The following TTLL6 variants were observed in gnomAD, a reference collection of about 807,000 sequenced individuals.
TTLL6 encodes the protein tubulin tyrosine ligase like 6, also known as tubulin polyglutamylase TTLL6.
TTLL6 carries 75 observed loss-of-function variants against 96.4 expected under a neutral mutation model. The ratio of observed to expected loss-of-function variants is 0.78; its 90% confidence interval spans 0.65 to 0.94. The LOEUF (loss-of-function observed/expected upper bound fraction) is 0.94. TTLL6 is among the 40% of genes least tolerant of loss of function. The pLI is 0.00. For synonymous variants in TTLL6, 411 were observed against 419.4 expected, an observed-to-expected ratio of 0.98 and a Z score of 0.24; for missense variants, 1,030 against 1,093.0, an observed-to-expected ratio of 0.94 and a Z score of 0.81.
At position 48,817,147 on chromosome 17, in the gene TTLL6, C is replaced by T. The variant is rs2039679998; in HGVS notation, c.-75G>A. ...TCCGCCCGGCCCTCATATTTGCATA[C>T]GGGGCCTTCTAGGCCTTCGATTGGC... On this transcript the variant is annotated 5_prime_UTR_variant, in exon 1 of 16. Coordinates refer to ENST00000393382, the MANE Select transcript of TTLL6 (RefSeq NM_001130918.3). The T allele has an allele frequency of 8.6e-7, 1 of 1,165,740 alleles. No individual in the cohort carries two copies. The highest frequency in any genetic ancestry group is 1.2e-6 in the Non-Finnish European group (1 of 834,962). The allele number at this position is 1,165,740 out of a possible 1,614,324, so 72.2% of individuals were successfully genotyped here.
chr17:48,788,454 G>A (rs888182397), intron 10 of TTLL6, among the ~76,000 whole-genome samples: 1 of 152,236 alleles, frequency 6.6e-6, no homozygotes, highest in African/African-American at 2.4e-5. Flanking sequence ...TGGGGGAAGT[G>A]GGGGTCAGAC....
At chr17:48,768,199 A>G (rs373791543) in intron 15 of TTLL6, among the ~76,000 whole-genome samples, 211 of 152,072 alleles carry the variant, frequency 1.4e-3, no homozygotes, top group African/African-American at 4.8e-3. Context: ...GGCTCAATCA[A>G]TCCTCCTACC....
At chr17:48,801,457 G>A in intron 4 of TTLL6, 68 bp downstream of exon 4, 2 of 1,550,938 alleles carry the variant, frequency 1.3e-6, no homozygotes, top group Non-Finnish European at 1.7e-6. Flanking sequence ...CGGGAGACAG[G>A]TGTAAAAATG....
In TTLL6 at chr17:48,770,040, T is replaced by A; in HGVS notation, c.2098A>T (p.Lys700Ter). The A allele has an allele frequency of 1.2e-6, 2 of 1,613,988 alleles. No homozygotes were observed. The highest frequency in any genetic ancestry group is 1.7e-6 in the Non-Finnish European group (2 of 1,179,922). Residue 700 changes from lysine (K) to a stop codon, truncating the protein, a stop_gained, in exon 14 of 16, where the codon AAG becomes TAG. Coordinates refer to ENST00000393382, the MANE Select transcript of TTLL6 (RefSeq NM_001130918.3). LOFTEE classifies it high-confidence loss of function. ...GTCACAGCCAGGGTTGGCGGAGACTTTGGGGAGATTGAGAGTTGGGTGGTG... is the reference window on the plus strand; with the variant it reads ...GTCACAGCCAGGGTTGGCGGAGACTATGGGGAGATTGAGAGTTGGGTGGTG... The part of the protein sequence containing the change: ...ESTTQLSISP[K>*]SPPTLAVTAS...
chr17:48,789,940 C>T lies in TTLL6; in HGVS notation c.1391G>A (p.Arg464Gln), dbSNP rs202000811. Reference protein sequence around the residue: ...RGQFLQQCCSREMRIEEAKGF... With the variant: ...RGQFLQQCCSQEMRIEEAKGF... ...GGGAGTGCGAATGTACCTCATCTCC[C>T]GAGAACAACACTGCTGCAGGAACTG... Residue 464 changes from arginine (R) to glutamine (Q), a missense_variant, in exon 10 of 16, where the codon CGG (arginine) becomes CAG (glutamine). Physicochemically the swap from Arg to Gln is conservative, Grantham distance 43. Coordinates refer to ENST00000393382, the MANE Select transcript of TTLL6 (RefSeq NM_001130918.3). 52 of 1,613,960 alleles carry T rather than the reference C, an allele frequency of 3.2e-5. 2 individuals are homozygous for T. In the East Asian group the frequency reaches 3.6e-4, roughly 11 times the overall value.
intron 15 of TTLL6, 132 bp downstream of exon 15, chr17:48,768,857 C>T: frequency 9.7e-7 from 1 of 1,026,868 alleles, no homozygotes; most frequent in Non-Finnish European, 1.4e-6. Flanking sequence ...CACATTTTTA[C>T]TAAGTCTTCA....
chr17:48,794,133 G>A, intron 8 of TTLL6: 1 of 1,604,462 alleles, frequency 6.2e-7, no homozygotes, highest in Admixed American at 1.7e-5. Context: ...GGGGTGAGAG[G>A]GAGATGAACA....
At chr17:48,815,868 T>C (rs2039661220) in intron 1 of TTLL6, 1 of 152,206 alleles carries the variant, frequency 6.6e-6, no homozygotes, top group South Asian at 2.1e-4. Flanking sequence ...GATTGGAAGA[T>C]GCAATATTCA....
chr17:48,808,223 T>C (rs1355347385), intron 1 of TTLL6, among the ~76,000 whole-genome samples: 1 of 152,248 alleles, frequency 6.6e-6, no homozygotes, highest in Non-Finnish European at 1.5e-5. Context: ...TTGTTGGAAA[T>C]GTAAGCTGCT....
chr17:48,799,934 G>T, intron 5 of TTLL6, 174 bp from the exon 6 acceptor site: 1 of 609,464 alleles, frequency 1.6e-6, no homozygotes, highest in Non-Finnish European at 2.9e-6. Flanking sequence ...AGTGGGGAGT[G>T]TGGGCTTCAG....
In TTLL6 at chr17:48,769,861, G is replaced by A; in HGVS notation, c.2277C>T (p.Asn759=). The change falls in exon 14 of 16, where the codon AAC becomes AAT. Residue 759 remains asparagine (N), a synonymous_variant. Transcript: ENST00000393382. ...TCATGTCACTCTTTAGCAAAGTCCA[G>A]TTTGTGTTCGGACTCTCCCAGAAGC... ...SKSFWESPNT[N]WTLLKSDMNK... is the part of the protein sequence containing the mutation. 6.2e-7 allele frequency: 1 copy of A among 1,614,246 alleles called. No homozygotes were observed. The highest frequency in any genetic ancestry group is 8.5e-7 in the Non-Finnish European group (1 of 1,180,048).
At chr17:48,779,120 G>C (rs1312059593) in intron 13 of TTLL6, among the ~76,000 whole-genome samples, 2 of 151,758 alleles carry the variant, frequency 1.3e-5, no homozygotes, top group African/African-American at 4.8e-5. Flanking sequence ...AAAAAAGGGA[G>C]GGGATGAAAA....
At chr17:48,813,427 C>G (rs1260833036) in intron 1 of TTLL6, among the ~76,000 whole-genome samples, 2 of 152,178 alleles carry the variant, frequency 1.3e-5, no homozygotes, top group Admixed American at 6.5e-5. Flanking sequence ...GGTGTGGTGG[C>G]GTGTGCCTGT....
rs1486379690 is a variant in TTLL6, at chr17:48,797,260, A to T, written c.769-56T>A. 2.7e-6 allele frequency: 4 copies of T among 1,500,352 alleles called. No individual in the cohort carries two copies. In the East Asian group the frequency reaches 9.9e-5, roughly 37 times the overall value. 92.9% of individuals were successfully genotyped at this position (1,500,352 alleles called of 1,614,324 possible). A position where few individuals can be genotyped will look rare whatever the true frequency, so the allele number is the denominator to read the frequency against. On this transcript the variant is annotated intron_variant, in intron 6 of 15. Coordinates refer to ENST00000393382, the MANE Select transcript of TTLL6 (RefSeq NM_001130918.3). ...ATTAGAGGAGAAATTTACACTTGAA[A>T]ATCACTAGCTCCCGCCTTGTTTCCA... is the stretch of plus-strand genomic sequence containing the variant.
At chr17:48,793,375 T>C (rs1337711178) in intron 8 of TTLL6, among the ~76,000 whole-genome samples, 1 of 152,018 alleles carries the variant, frequency 6.6e-6, no homozygotes, top group Non-Finnish European at 1.5e-5. Flanking sequence ...AAGACAAATG[T>C]GCACTGGGCA....
chr17:48,763,898 A>G lies in TTLL6; in HGVS notation c.*1-925T>C, dbSNP rs553947427. 6.6e-5 allele frequency among the ~76,000 whole-genome samples: 10 copies of G among 152,324 alleles called. No individual in the cohort carries two copies. In the East Asian group the frequency reaches 1.7e-3, roughly 26 times the overall value. On this transcript the variant is annotated intron_variant, in intron 15 of 15. Coordinates refer to ENST00000393382, the MANE Select transcript of TTLL6 (RefSeq NM_001130918.3). The stretch of plus-strand genomic sequence containing the variant: ...AGAATAGCTTGAACCTGGGAAGCAG[A>G]GGTTGCAGTGAGCTGAGATCGCGCC...
intron 3 of TTLL6, among the ~76,000 whole-genome samples, chr17:48,802,673 C>A (rs2039445427): frequency 6.6e-6 from 1 of 152,200 alleles, no homozygotes; most frequent in African/African-American, 2.4e-5. Flanking sequence ...GAGTTCGAGA[C>A]CAGCCTGGCC....
At chr17:48,780,575 G>A (rs553568617) in intron 13 of TTLL6, among the ~76,000 whole-genome samples, 2 of 152,246 alleles carry the variant, frequency 1.3e-5, no homozygotes, top group African/African-American at 4.8e-5. Context: ...TTAACTATAT[G>A]CACATTTGTT....
At chr17:48,786,977 A>G (rs1025681270) in intron 11 of TTLL6, among the ~76,000 whole-genome samples, 1 of 151,920 alleles carries the variant, frequency 6.6e-6, no homozygotes, top group Non-Finnish European at 1.5e-5. Context: ...TTACAGGAGC[A>G]TGCCACCACT....
Sources: gnomAD v4.1 joint callset for allele counts (sites outside exome capture counted in the v4.1 genomes callset) on GRCh38, gnomAD v4.1.1 for gene constraint, MANE v1.5 for transcripts, NCBI Gene and HGNC (gene_info 2026-07-23, HGNC 2026-07-21) for gene names.